Variants in APOOL observed in about 807,000 individuals in gnomAD.
APOOL encodes apolipoprotein O like.
A neutral mutation model predicts 23.1 loss-of-function variants in APOOL; 12 were observed. The observed-to-expected ratio is 0.52, with a 90% CI of 0.33 to 0.84. The LOEUF is 0.84. Ranked by LOEUF, APOOL falls within the 40% of genes least tolerant of loss-of-function variation. The pLI is 0.02. For synonymous variants in APOOL, 77 were observed against 69.9 expected, an observed-to-expected ratio of 1.10 and a Z score of -0.51; for missense variants, 212 against 199.6, an observed-to-expected ratio of 1.06 and a Z score of -0.37.
In APOOL at chrX:85,087,603, T is replaced by A. The variant is rs1457694192; in HGVS notation, c.732T>A (p.Phe244Leu). The change falls in exon 9 of 9, where the codon TTT becomes TTA. Residue 244 changes from phenylalanine (F) to leucine (L), a missense_variant. By Grantham distance (22) the Phe-to-Leu change is conservative (BLOSUM62 0). Coordinates refer to ENST00000373173, the MANE Select transcript of APOOL (RefSeq NM_198450.6). Reference sequence around the variant, plus strand: ...ATACTTTATCAGGTGCAACCCAGTTTATGCCTGACCCCAAGCTCATGGATC... The same window carrying A: ...ATACTTTATCAGGTGCAACCCAGTTAATGCCTGACCCCAAGCTCATGGATC... ...KSESTSGATQ[F>L]MPDPKLMDHG... The A allele has an allele frequency of 8.3e-7, 1 of 1,201,049 alleles. No homozygotes were observed. Among genetic ancestry groups the A allele is most frequent in the Admixed American group, 2.2e-5 (1 of 44,723 alleles).
At chrX:85,080,046 T>C (rs918821649) in intron 8 of APOOL, among the ~76,000 whole-genome samples, 7 of 111,980 alleles carry the variant, frequency 6.3e-5, no homozygotes, top group African/African-American at 9.8e-5. Context: ...AATCAGCTCC[T>C]GGATTCATTG....
intron 1 of APOOL, among the ~76,000 whole-genome samples, chrX:85,007,985 T>G (rs760168362): frequency 2.6e-4 from 29 of 111,579 alleles, no homozygotes; most frequent in Non-Finnish European, 4.3e-4. Flanking sequence ...GATAGGAGGT[T>G]GCACTCAGAG....
chrX:85,020,425 G>A (rs1030563661), intron 1 of APOOL, among the ~76,000 whole-genome samples: 1 of 111,330 alleles, frequency 9.0e-6, no homozygotes, highest in Non-Finnish European at 1.9e-5. Context: ...ACTGGACTTT[G>A]CCTTGGACAC....
At chrX:85,006,532 A>G (rs1465474152) in intron 1 of APOOL, among the ~76,000 whole-genome samples, 1 of 109,275 alleles carries the variant, frequency 9.2e-6, no homozygotes, top group Non-Finnish European at 1.9e-5. Flanking sequence ...GAGGGTAGCA[A>G]ATTCCAGAAA....
intron 1 of APOOL, among the ~76,000 whole-genome samples, chrX:85,004,295 A>G (rs762043379): frequency 4.5e-5 from 5 of 112,135 alleles, no homozygotes; most frequent in Middle Eastern, 4.6e-3. Flanking sequence ...GTCTCGGCGC[A>G]CAGGGCAAGG....
chrX:85,056,012 T>C (rs1193890670), intron 5 of APOOL, 87 bp downstream of exon 5: 42 of 637,475 alleles, frequency 6.6e-5, no homozygotes, highest in Middle Eastern at 6.5e-4. Context: ...ATATGCTTTA[T>C]TGAATATTAT....
At chrX:85,087,312 G>C (rs1333659327) in intron 8 of APOOL, among the ~76,000 whole-genome samples, 2 of 110,721 alleles carry the variant, frequency 1.8e-5, no homozygotes, top group Non-Finnish European at 3.8e-5. Flanking sequence ...TTCAGTTCTC[G>C]GCTCATGTAT....
Position 85,093,132 on chromosome X carries a change from T to C in APOOL, c.*5454T>C. The C allele has an allele frequency of 9.5e-7, 1 of 1,052,671 alleles. No individual in the cohort carries two copies. The highest frequency in any genetic ancestry group is 2.2e-5 in the South Asian group (1 of 46,182). The allele number at this position is 1,052,671 out of a possible 1,213,427, so 86.8% of individuals were successfully genotyped here. On this transcript the variant is annotated 3_prime_UTR_variant, in exon 9 of 9. Coordinates refer to ENST00000373173, the MANE Select transcript of APOOL (RefSeq NM_198450.6). ...TGATTTAATTTATGCCCTGTGAATA[T>C]TTATTAAGAAAAGGTTAATGTATAG...
rs766497759 is a variant in APOOL at position 85,088,316 on chromosome X, G to GTTTTTTTTTTTTTTTTTTTTTTTTTTT, written c.*641_*667dup. On this transcript the variant is annotated 3_prime_UTR_variant, in exon 9 of 9. Coordinates refer to ENST00000373173, the MANE Select transcript of APOOL (RefSeq NM_198450.6). ...TGTATGGAAAGGTGTGTTTCCCTCT[G>GTTTTTTTTTTTTTTTTTTTTTTTTTTT]TTTTTTTTTTTTTTTTTTTTTTTTT... 2 of 22,533 alleles carry GTTTTTTTTTTTTTTTTTTTTTTTTTTT rather than the reference G, an allele frequency of 8.9e-5. 1 individual carries two copies. The highest frequency in any genetic ancestry group is 1.6e-4 in the Non-Finnish European group (2 of 12,648). The allele number at this position is 22,533 out of a possible 1,213,427, so 1.9% of individuals were successfully genotyped here. A position where few individuals can be genotyped will look rare whatever the true frequency, so the allele number is the denominator to read the frequency against.
At position 85,051,410 on chromosome X, in the gene APOOL, C is replaced by A. The variant is rs761624112; in HGVS notation, c.142C>A (p.Pro48Thr). Residue 48 changes from proline to threonine, a missense_variant, in exon 3 of 9, where the codon CCG becomes ACG. Pro to Thr is a conservative substitution (Grantham distance 38, BLOSUM62 -1). Coordinates refer to ENST00000373173, the MANE Select transcript of APOOL (RefSeq NM_198450.6). ...PEQLPIYTAP[P>T]LQSKYVEEQP... ...GTAGCTCCCCATATATACTGCACCA[C>A]CGCTCCAGTCTAAATATGTTGAAGA... 1 of 1,210,026 alleles carries A rather than the reference C, an allele frequency of 8.3e-7. No homozygotes were observed. Among genetic ancestry groups the A allele is most frequent in the South Asian group, 1.8e-5 (1 of 56,905 alleles).
intron 1 of APOOL, among the ~76,000 whole-genome samples, chrX:85,042,257 A>C (rs1330068550): frequency 8.9e-6 from 1 of 112,047 alleles, no homozygotes; most frequent in East Asian, 2.8e-4. Context: ...ATAAAATCAG[A>C]GATGAAAAAG....
rs1044311837 is a variant in APOOL, at chrX:85,087,955, G to T, written c.*277G>T. 14 of 163,684 alleles carry T rather than the reference G, an allele frequency of 8.6e-5. 1 individual carries two copies. The Admixed American group carries it at 1.1e-3, about 13-fold the overall frequency. 13.5% of individuals were successfully genotyped at this position (163,684 alleles called of 1,213,427 possible). A position where few individuals can be genotyped will look rare whatever the true frequency, so the allele number is the denominator to read the frequency against. ...CCTTTAAGGGCACTTAAAAAAAAAT[G>T]AAGACATGAATTCTAGTGAGATTAA... On this transcript the variant is annotated 3_prime_UTR_variant, in exon 9 of 9. Coordinates refer to ENST00000373173, the MANE Select transcript of APOOL (RefSeq NM_198450.6).
chrX:85,037,345 G>A (rs1769292713), intron 1 of APOOL, among the ~76,000 whole-genome samples: 1 of 111,405 alleles, frequency 9.0e-6, no homozygotes, highest in African/African-American at 3.3e-5. Flanking sequence ...TTTGTAGTGA[G>A]TAAGTCTCAT....
intron 6 of APOOL, among the ~76,000 whole-genome samples, chrX:85,071,172 T>C (rs957658577): frequency 9.0e-6 from 1 of 111,301 alleles, no homozygotes; most frequent in Non-Finnish European, 1.9e-5. Context: ...AGACTAAATG[T>C]TGAAATACGG....
intron 1 of APOOL, among the ~76,000 whole-genome samples, chrX:85,014,529 ATT>A (rs59334184): frequency 4.4e-5 from 4 of 91,455 alleles, no homozygotes; most frequent in African/African-American, 1.2e-4. Context: ...AATTCTCAGC[ATT>A]TTTTTTTTTT....
At chrX:85,084,134 C>CTTTTTT (rs35647720) in intron 8 of APOOL, among the ~76,000 whole-genome samples, 1 of 83,843 alleles carries the variant, frequency 1.2e-5, no homozygotes, top group African/African-American at 4.7e-5. Context: ...TGAGATGAAG[C>CTTTTTT]TTTTTTTTTT....
intron 8 of APOOL, among the ~76,000 whole-genome samples, chrX:85,082,700 AACT>A (rs1924154197): frequency 8.9e-6 from 1 of 112,158 alleles, no homozygotes; most frequent in African/African-American, 3.2e-5. Flanking sequence ...GCTGCTTTTA[AACT>A]ACAATGGCAG....
intron 6 of APOOL, among the ~76,000 whole-genome samples, chrX:85,069,482 C>T (rs1266307751): frequency 9.2e-6 from 1 of 108,683 alleles, no homozygotes; most frequent in Non-Finnish European, 1.9e-5. Context: ...TGGTGGCAGG[C>T]GCCTGCAATT....
chrX:85,084,048 TAA>T (rs1468526104), intron 8 of APOOL, among the ~76,000 whole-genome samples: 1 of 109,895 alleles, frequency 9.1e-6, no homozygotes, highest in African/African-American at 3.3e-5. Flanking sequence ...TTTGGGAGTG[TAA>T]GAGAGCCCTT....
Sources: allele counts gnomAD v4.1 joint callset (sites outside exome capture counted in the v4.1 genomes callset), GRCh38; gene constraint gnomAD v4.1.1; transcripts MANE v1.5; gene names NCBI Gene and HGNC (gene_info 2026-07-23, HGNC 2026-07-21).